Variants in CADM2 observed in about 807,000 individuals in gnomAD.
CADM2 encodes the protein immunoglobulin superfamily member 4D.
In CADM2, 12 loss-of-function variants were observed where a neutral mutation model predicts 49.8. That is an observed-to-expected ratio of 0.24 (90% CI 0.15 to 0.39). The LOEUF is 0.39. Ranked by LOEUF, CADM2 falls within the 10% of genes least tolerant of loss-of-function variation. The probability of loss-of-function intolerance (pLI) is 1.00; values close to 1 mark genes in which losing one functional copy is unlikely to be tolerated. For missense variants in CADM2, 378 were observed against 492.3 expected (o/e 0.77, Z 2.20); for synonymous variants, 214 against 175.4 (o/e 1.22, Z -1.74).
At chr3:85,743,055 A>G (rs915134293) in intron 2 of CADM2, among the ~76,000 whole-genome samples, 8 of 152,106 alleles carry the variant, frequency 5.3e-5, no homozygotes, top group Non-Finnish European at 1.0e-4. Flanking sequence ...GGTTTATGTA[A>G]ATAACAATAA....
intron 1 of CADM2, among the ~76,000 whole-genome samples, chr3:85,398,372 A>G (rs1159005807): frequency 2.0e-5 from 3 of 152,126 alleles, no homozygotes; most frequent in Non-Finnish European, 4.4e-5. Context: ...TCCATGGTGT[A>G]TATGTGTCAC....
rs2107455124 is a variant in CADM2, at chr3:86,069,336, T to C, written c.*2553T>C. On this transcript the variant is annotated 3_prime_UTR_variant, in exon 10 of 10. Coordinates refer to ENST00000383699, the MANE Select transcript of CADM2 (RefSeq NM_001167675.2). ...TATAAAACCAGTTAGCTAAAACAAC[T>C]AGATTATTATACTAGTTATAAATGC... 6.6e-6 allele frequency: 1 copy of C among 152,068 alleles called. No individual in the cohort carries two copies. The highest frequency in any genetic ancestry group is 1.5e-5 in the Non-Finnish European group (1 of 67,862). The allele number at this position is 152,068 out of a possible 1,614,324, so 9.4% of individuals were successfully genotyped here.
intron 1 of CADM2, among the ~76,000 whole-genome samples, chr3:84,998,692 A>G (rs550386182): frequency 6.6e-6 from 1 of 152,232 alleles, no homozygotes; most frequent in East Asian, 1.9e-4. Flanking sequence ...TAAGAGCCTT[A>G]TAAAAAGGTT....
At chr3:85,422,182 G>A (rs528932792) in intron 1 of CADM2, among the ~76,000 whole-genome samples, 4 of 151,622 alleles carry the variant, frequency 2.6e-5, no homozygotes, top group East Asian at 1.9e-4. Context: ...AATAACAGTC[G>A]TTAATATTTT....
chr3:85,775,487 A>C (rs554725646), intron 2 of CADM2, among the ~76,000 whole-genome samples: 8 of 151,950 alleles, frequency 5.3e-5, no homozygotes, highest in African/African-American at 1.9e-4. Flanking sequence ...GATTGTGATG[A>C]CTATATTGTA....
At chr3:85,058,078 A>G (rs778580586) in intron 1 of CADM2, among the ~76,000 whole-genome samples, 5 of 152,192 alleles carry the variant, frequency 3.3e-5, no homozygotes, top group Non-Finnish European at 7.4e-5. Context: ...GAATTATTAT[A>G]TTCTGTCTTT....
intron 1 of CADM2, among the ~76,000 whole-genome samples, chr3:85,189,862 G>A (rs1192474020): frequency 2.1e-5 from 3 of 145,376 alleles, no homozygotes; most frequent in African/African-American, 8.4e-5. Context: ...GGACCTTGAT[G>A]GCTGTTGTCC....
At chr3:85,260,888 C>T (rs941952850) in intron 1 of CADM2, among the ~76,000 whole-genome samples, 46 of 152,058 alleles carry the variant, frequency 3.0e-4, no homozygotes, top group Admixed American at 2.6e-3. Flanking sequence ...AAGATGAATC[C>T]GTGAGGATAT....
Position 85,693,205 on chromosome 3 carries a change from C to T in CADM2, c.62-33317C>T, listed in dbSNP as rs1007559940. Among the ~76,000 whole-genome samples, 8 of 148,572 alleles carry T rather than the reference C, an allele frequency of 5.4e-5. No homozygotes were observed. The South Asian group carries it at 8.6e-4, about 16-fold the overall frequency. On this transcript the variant is annotated intron_variant, in intron 1 of 9. Coordinates refer to ENST00000383699, the MANE Select transcript of CADM2 (RefSeq NM_001167675.2). ...AGAAGGTTGCAGTGAGTCTAGATTG[C>T]GCCACTGCACTCCAGCCTGGCAACA...
At chr3:85,199,492 A>G (rs2041437982) in intron 1 of CADM2, among the ~76,000 whole-genome samples, 1 of 151,810 alleles carries the variant, frequency 6.6e-6, no homozygotes, top group African/African-American at 2.4e-5. Context: ...TTTTAGTTAA[A>G]CTTACAAAGT....
At chr3:85,534,888 T>C (rs2061392497) in intron 1 of CADM2, among the ~76,000 whole-genome samples, 1 of 152,152 alleles carries the variant, frequency 6.6e-6, no homozygotes, top group Non-Finnish European at 1.5e-5. Flanking sequence ...GTGGCTACTT[T>C]TGTTGTTTAT....
chr3:85,768,166 G>A (rs1222258312), intron 2 of CADM2, among the ~76,000 whole-genome samples: 1 of 151,914 alleles, frequency 6.6e-6, no homozygotes, highest in East Asian at 1.9e-4. Flanking sequence ...TATTTTACTG[G>A]CCGGGCGCAG....
At chr3:85,541,769 TATATTTTATA>T (rs1444729308) in intron 1 of CADM2, among the ~76,000 whole-genome samples, 1 of 6,408 alleles carries the variant, frequency 1.6e-4, no homozygotes, top group East Asian at 0.05. Context: ...ATATATATTT[TATATTTTATA>T]TATATATATA....
intron 1 of CADM2, among the ~76,000 whole-genome samples, chr3:85,260,207 A>T (rs1013511534): frequency 3.9e-5 from 6 of 152,106 alleles, no homozygotes; most frequent in Admixed American, 3.3e-4. Flanking sequence ...CTAGATCAGT[A>T]ATTTTAGTTT....
chr3:85,644,169 G>A (rs1183525885), intron 1 of CADM2, among the ~76,000 whole-genome samples: 1 of 152,102 alleles, frequency 6.6e-6, no homozygotes, highest in Non-Finnish European at 1.5e-5. Flanking sequence ...TGTCTGGTGA[G>A]GGCTGTCTTC....
At chr3:85,347,678 G>A (rs974708199) in intron 1 of CADM2, among the ~76,000 whole-genome samples, 1 of 148,032 alleles carries the variant, frequency 6.8e-6, no homozygotes, top group Non-Finnish European at 1.5e-5. Flanking sequence ...GTCTTACTCT[G>A]TCACCTAGGC....
At chr3:85,716,971 C>T in intron 1 of CADM2, among the ~76,000 whole-genome samples, 1 of 152,080 alleles carries the variant, frequency 6.6e-6, no homozygotes, top group East Asian at 1.9e-4. Flanking sequence ...ATTGTCTTGG[C>T]TATATGGGCT....
At chr3:85,262,420 A>C (rs1175048305) in intron 1 of CADM2, among the ~76,000 whole-genome samples, 1 of 152,116 alleles carries the variant, frequency 6.6e-6, no homozygotes, top group Admixed American at 6.6e-5. Flanking sequence ...GATGAAACCA[A>C]GTTGACATGG....
At chr3:85,890,749 A>C (rs571547537) in intron 5 of CADM2, among the ~76,000 whole-genome samples, 91 of 151,422 alleles carry the variant, frequency 6.0e-4, no homozygotes, top group Non-Finnish European at 1.1e-3. Flanking sequence ...CCTTTGGCGC[A>C]GTGATTTTGG....
Sources: gnomAD v4.1 joint callset for allele counts (sites outside exome capture counted in the v4.1 genomes callset) on GRCh38, gnomAD v4.1.1 for gene constraint, MANE v1.5 for transcripts, NCBI Gene and HGNC (gene_info 2026-07-23, HGNC 2026-07-21) for gene names.